Variants in FOCAD observed in about 807,000 individuals in gnomAD.
FOCAD encodes the protein focadhesin.
A neutral mutation model predicts 225.6 loss-of-function variants in FOCAD; 198 were observed. The observed-to-expected ratio is 0.88, with a 90% CI of 0.78 to 0.99. The LOEUF (loss-of-function observed/expected upper bound fraction) is 0.99. Among genes scored for constraint, FOCAD ranks in the 50% least tolerant of loss-of-function variants. FOCAD has a pLI of 0.00. For synonymous variants in FOCAD, 897 were observed against 755.0 expected, an observed-to-expected ratio of 1.19 and a Z score of -3.08; for missense variants, 2,713 against 2,123.6, an observed-to-expected ratio of 1.28 and a Z score of -5.46.
intron 15 of FOCAD, among the ~76,000 whole-genome samples, chr9:20,861,028 G>T (rs141504006): frequency 1.3e-5 from 2 of 152,068 alleles, no homozygotes; most frequent in African/African-American, 4.8e-5. Context: ...TGGCATGGCT[G>T]TGTGATTTCT....
At chr9:20,721,366 TC>T in intron 4 of FOCAD, among the ~76,000 whole-genome samples, 1 of 152,262 alleles carries the variant, frequency 6.6e-6, no homozygotes, top group African/African-American at 2.4e-5. Context: ...TTAATTTTTT[TC>T]CCTGCCTTCA....
At chr9:20,768,178 G>C (rs1830223768) in intron 7 of FOCAD, among the ~76,000 whole-genome samples, 1 of 148,418 alleles carries the variant, frequency 6.7e-6, no homozygotes, top group Non-Finnish European at 1.5e-5. Flanking sequence ...CTGTTCCATT[G>C]ATCTATATCT....
chr9:20,777,461 ATG>A (rs1188622700), intron 8 of FOCAD, among the ~76,000 whole-genome samples: 1 of 152,036 alleles, frequency 6.6e-6, no homozygotes, highest in East Asian at 1.9e-4. Context: ...CTCAAATAAC[ATG>A]TCTCTTGTGT....
chr9:20,660,985 G>C (rs144174072), intron 2 of FOCAD, among the ~76,000 whole-genome samples: 1 of 152,250 alleles, frequency 6.6e-6, no homozygotes, highest in Non-Finnish European at 1.5e-5. Flanking sequence ...CATAGACCAC[G>C]GGAAAGGAGT....
At chr9:20,700,043 A>G (rs1251062324) in intron 1 of FOCAD, among the ~76,000 whole-genome samples, 3 of 151,606 alleles carry the variant, frequency 2.0e-5, no homozygotes. Flanking sequence ...GCCCAGGATG[A>G]TTGCAAACGT....
chr9:20,778,926 G>A (rs1042629231), intron 9 of FOCAD, among the ~76,000 whole-genome samples, 158 bp downstream of exon 9: 3 of 151,916 alleles, frequency 2.0e-5, no homozygotes, highest in Non-Finnish European at 2.9e-5. Flanking sequence ...CTAATAAGTT[G>A]TTACCTTGTG....
At chr9:20,941,101 C>T (rs1342375860) in intron 28 of FOCAD, among the ~76,000 whole-genome samples, 2 of 152,148 alleles carry the variant, frequency 1.3e-5, no homozygotes, top group Non-Finnish European at 2.9e-5. Context: ...CAGTGGAAGT[C>T]TTACTAGAAG....
rs140754937 is a variant in FOCAD at position 20,995,665 on chromosome 9, A to C, written c.*36A>C. On this transcript the variant is annotated 3_prime_UTR_variant, in exon 44 of 44. Transcript: ENST00000338382. Reference sequence around the variant, plus strand: ...AGTAACCAGCAGCATTCTCAGCTGGATGAGGAAAACCATATAAGTGGAAGA... The same window carrying C: ...AGTAACCAGCAGCATTCTCAGCTGGCTGAGGAAAACCATATAAGTGGAAGA... 3.6e-5 allele frequency: 56 copies of C among 1,576,492 alleles called. No homozygotes were observed. In the African/African-American group the frequency reaches 6.7e-4, roughly 19 times the overall value.
At position 20,660,040 on chromosome 9, in the gene FOCAD, G is replaced by A. The variant is rs144308290; in HGVS notation, c.-78+1214G>A. Among the ~76,000 whole-genome samples the A allele has an allele frequency of 2.2e-3, 331 of 152,302 alleles. 4 individuals carry two copies. Among genetic ancestry groups the A allele is most frequent in the African/African-American group, 7.7e-3 (319 of 41,576 alleles). ...AAATATAGGAAGATAATTCAGTTTT[G>A]TTTTCAAGATAATGAGTTTGGTTTT... On this transcript the variant is annotated intron_variant, in intron 2 of 45. Coordinates refer to the FOCAD transcript ENST00000380249.
intron 33 of FOCAD, 27 bp from the exon 34 acceptor site, chr9:20,950,969 A>T: frequency 6.3e-7 from 1 of 1,580,906 alleles, no homozygotes; most frequent in South Asian, 1.1e-5. Context: ...TTATCCCATC[A>T]TTGAACTGTT....
chr9:20,982,418 A>G lies in FOCAD; in HGVS notation c.4700A>G (p.Asp1567Gly). ...AKCLLEMTDD[D>G]ANRIAQVTKS... ...TGCCTCTTAGAAATGACAGATGATG[A>G]TGCCAATCGGATCGCCCAGGTTACT... The change falls in exon 39 of 44, where the codon GAT becomes GGT. Residue 1567 changes from aspartate to glycine, a missense_variant. Coordinates refer to ENST00000338382, the MANE Select transcript of FOCAD (RefSeq NM_001375567.1). 1.2e-6 allele frequency: 2 copies of G among 1,613,912 alleles called. No individual in the cohort carries two copies. The highest frequency in any genetic ancestry group is 1.1e-5 in the South Asian group (1 of 91,080).
intron 2 of FOCAD, among the ~76,000 whole-genome samples, chr9:20,666,221 T>G (rs750523983): frequency 6.6e-6 from 1 of 152,202 alleles, no homozygotes; most frequent in Non-Finnish European, 1.5e-5. Flanking sequence ...CATATTATTA[T>G]GCATTCTATA....
At chr9:20,831,563 G>A (rs1451523193) in intron 15 of FOCAD, among the ~76,000 whole-genome samples, 1 of 152,030 alleles carries the variant, frequency 6.6e-6, no homozygotes, top group Non-Finnish European at 1.5e-5. Flanking sequence ...ATGTTCGGGG[G>A]AGAGATAGAA....
In FOCAD at chr9:20,771,078, G is replaced by A. The variant is rs193185343; in HGVS notation, c.906+840G>A. On this transcript the variant is annotated intron_variant, in intron 8 of 43. Transcript: ENST00000338382. ...GGAGGTAGGGCATGAGTTGAGATTC[G>A]AAGACTGAATGGAATGTGCCTGGTA... Among the ~76,000 whole-genome samples the A allele has an allele frequency of 1.8e-4, 27 of 152,272 alleles. No homozygotes were observed. The East Asian group carries it at 5.0e-3, about 28-fold the overall frequency.
intron 4 of FOCAD, among the ~76,000 whole-genome samples, chr9:20,734,726 C>A (rs1023780142): frequency 6.6e-6 from 1 of 152,020 alleles, no homozygotes; most frequent in Non-Finnish European, 1.5e-5. Context: ...CTCACTGCAG[C>A]CCCAACCTCC....
intron 2 of FOCAD, among the ~76,000 whole-genome samples, chr9:20,663,823 A>G (rs1016973751): frequency 1.2e-4 from 19 of 152,232 alleles, no homozygotes; most frequent in African/African-American, 4.1e-4. Flanking sequence ...CATCTCAAGT[A>G]TCCTTACAAA....
intron 15 of FOCAD, among the ~76,000 whole-genome samples, chr9:20,826,861 A>G (rs1167660833): frequency 6.6e-6 from 1 of 152,032 alleles, no homozygotes; most frequent in Non-Finnish European, 1.5e-5. Context: ...TGAGTTTGTC[A>G]TTTTCAAAGG....
intron 5 of FOCAD, among the ~76,000 whole-genome samples, chr9:20,744,097 T>C (rs1827846915): frequency 6.6e-6 from 1 of 152,148 alleles, no homozygotes; most frequent in Admixed American, 6.5e-5. Context: ...ATGGGTTTGT[T>C]CAATGAAAAA....
intron 19 of FOCAD, chr9:20,875,428 C>G (rs1365290412): frequency 6.6e-6 from 1 of 152,076 alleles, no homozygotes; most frequent in Non-Finnish European, 1.5e-5. Flanking sequence ...TGCTTGAGGT[C>G]AGGAGTTAAA....
Sources: allele counts gnomAD v4.1 joint callset (sites outside exome capture counted in the v4.1 genomes callset), GRCh38; gene constraint gnomAD v4.1.1; transcripts MANE v1.5; gene names NCBI Gene and HGNC (gene_info 2026-07-23, HGNC 2026-07-21).